Variants in AKR1B15 observed in about 807,000 individuals in gnomAD.
AKR1B15 encodes the protein aldo-keto reductase family 1 member B15.
Under a neutral mutation model 38.5 loss-of-function variants are expected in AKR1B15, and 49 were observed. That is an observed-to-expected ratio of 1.27 (90% CI 1.01 to 1.62). The LOEUF (loss-of-function observed/expected upper bound fraction) is 1.62, where lower values mean the gene tolerates loss of function less well. AKR1B15 is among the 40% of genes most tolerant of loss of function. The pLI, the probability that AKR1B15 is intolerant of heterozygous loss-of-function variation, is 0.00. For synonymous variants in AKR1B15, 137 were observed against 135.5 expected, an observed-to-expected ratio of 1.01 and a Z score of -0.08; for missense variants, 411 against 381.6, an observed-to-expected ratio of 1.08 and a Z score of -0.64.
In AKR1B15 at chr7:134,569,441, T is replaced by C. The variant is rs369019179; in HGVS notation, c.347T>C (p.Leu116Pro). ...TGGCCCACTTTCTTTGAGAGACCCC[T>C]TGTGAGGAAAGCCTTTGAGAAGACC... ...KVWPTFFERPLVRKAFEKTLK... is the reference protein window; with the variant it reads ...KVWPTFFERPPVRKAFEKTLK... Residue 116 changes from leucine to proline, a missense_variant, in exon 5 of 12, where the codon CTT becomes CCT. Leu to Pro is a moderately conservative substitution (Grantham distance 98, BLOSUM62 -3). This residue lies in a region of AKR1B15 where 254 missense variants were observed against 212.4 expected (regional missense o/e 1.20). Coordinates refer to ENST00000457545, the MANE Select transcript of AKR1B15 (RefSeq NM_001080538.3). 5 of 1,613,974 alleles carry C rather than the reference T, an allele frequency of 3.1e-6. No individual in the cohort carries two copies. The African/African-American group carries it at 6.7e-5, about 22-fold the overall frequency.
intron 2 of AKR1B15, among the ~76,000 whole-genome samples, chr7:134,560,557 G>T (rs1216610779): frequency 2.0e-5 from 3 of 152,122 alleles, no homozygotes; most frequent in Non-Finnish European, 4.4e-5. Flanking sequence ...ATCTAAAAAA[G>T]ATATCCCTCC....
intron 2 of AKR1B15, among the ~76,000 whole-genome samples, chr7:134,557,759 G>T (rs773941767): frequency 6.6e-6 from 1 of 151,938 alleles, no homozygotes; most frequent in African/African-American, 2.4e-5. Context: ...TTAGACCAAG[G>T]TGTAAAAAGA....
At chr7:134,567,707 T>C (rs1794571156) in intron 3 of AKR1B15, among the ~76,000 whole-genome samples, 1 of 152,296 alleles carries the variant, frequency 6.6e-6, no homozygotes, top group South Asian at 2.1e-4. Flanking sequence ...CCCTCTGGGT[T>C]ATTTAGAGTC....
At chr7:134,553,795 G>C (rs935232245) in intron 1 of AKR1B15, among the ~76,000 whole-genome samples, 2 of 152,192 alleles carry the variant, frequency 1.3e-5, no homozygotes, top group Admixed American at 6.5e-5. Flanking sequence ...GAAACTGGCT[G>C]ACCTCATCTC....
rs539202631 is a variant in AKR1B15, at chr7:134,551,212, T to C, written c.-147+1963T>C. Among the ~76,000 whole-genome samples, 6 of 152,302 alleles carry C rather than the reference T, an allele frequency of 3.9e-5. No homozygotes were observed. The South Asian group carries it at 1.0e-3, about 26-fold the overall frequency. On this transcript the variant is annotated intron_variant, in intron 1 of 11. Transcript: ENST00000457545. ...TTCCCTTGTCTCCTCAACTACATCC[T>C]CTGTGGCCTCTCTGCCTATATCCTC... is the stretch of plus-strand genomic sequence containing the variant.
At chr7:134,571,301 C>T (rs1234084639) in intron 5 of AKR1B15, among the ~76,000 whole-genome samples, 5 of 152,148 alleles carry the variant, frequency 3.3e-5, no homozygotes, top group African/African-American at 1.2e-4. Flanking sequence ...AAAGTTTGCC[C>T]TTGGGTGTGT....
intron 2 of AKR1B15, among the ~76,000 whole-genome samples, chr7:134,558,599 T>C (rs924714377): frequency 6.6e-6 from 1 of 152,278 alleles, no homozygotes; most frequent in Non-Finnish European, 1.5e-5. Flanking sequence ...ATAAACCACT[T>C]AACTTAGTTT....
intron 6 of AKR1B15, among the ~76,000 whole-genome samples, chr7:134,574,644 A>G (rs1301571394): frequency 6.6e-6 from 1 of 152,232 alleles, no homozygotes; most frequent in East Asian, 1.9e-4. Flanking sequence ...AGAACATGTA[A>G]TAGATGGCTA....
chr7:134,574,398 C>T (rs1354697346), intron 6 of AKR1B15, among the ~76,000 whole-genome samples: 2 of 151,864 alleles, frequency 1.3e-5, no homozygotes, highest in Non-Finnish European at 2.9e-5. Context: ...TTTTTGAGGC[C>T]CAGCTTATAC....
Position 134,564,726 on chromosome 7 carries a change from A to C in AKR1B15, c.107A>C (p.Lys36Thr). The C allele has an allele frequency of 1.4e-6, 1 of 696,652 alleles. No homozygotes were observed. Among genetic ancestry groups the C allele is most frequent in the Non-Finnish European group, 2.6e-6 (1 of 382,842 alleles). 43.2% of individuals were successfully genotyped at this position (696,652 alleles called of 1,614,324 possible). ...PLTGLKSSLL[K>T]DTTSAGPLLR... ...ACTGGCCTAAAGAGTTCCCTTCTGA[A>C]GGACACTACAAGTGCAGGGCCCCTT... The change falls in exon 3 of 12, where the codon AAG (lysine) becomes ACG (threonine). Residue 36 changes from lysine to threonine, a missense_variant. Physicochemically the swap from Lys to Thr is moderately conservative, Grantham distance 78 (BLOSUM62 -1). Transcript: ENST00000457545.
chr7:134,573,407 C>A (rs886629998), intron 6 of AKR1B15: 1 of 985,220 alleles, frequency 1.0e-6, no homozygotes, highest in Non-Finnish European at 1.2e-6. Context: ...GTCAATGTAC[C>A]CTGCTTCTCA....
At position 134,566,933 on chromosome 7, in the gene AKR1B15, G is replaced by A. The variant is rs146405808; in HGVS notation, c.151-1225G>A. ...CAAATAATCACTTCCAGATCTCCAG[G>A]GAATCTGCTCACCCTTCATAAGTTT... On this transcript the variant is annotated intron_variant, in intron 3 of 11. Coordinates refer to ENST00000457545, the MANE Select transcript of AKR1B15 (RefSeq NM_001080538.3). Among the ~76,000 whole-genome samples, 107 of 152,274 alleles carry A rather than the reference G, an allele frequency of 7.0e-4. 2 individuals carry two copies. The East Asian group carries it at 0.017, about 25-fold the overall frequency.
At chr7:134,549,428 G>A (rs971672936) in intron 1 of AKR1B15, among the ~76,000 whole-genome samples, 179 bp downstream of exon 1, 2 of 152,042 alleles carry the variant, frequency 1.3e-5, no homozygotes, top group African/African-American at 4.8e-5. Flanking sequence ...TCAGGTCTCC[G>A]GGAGATCTCT....
At chr7:134,556,314 A>T (rs1185588592) in intron 1 of AKR1B15, among the ~76,000 whole-genome samples, 1 of 152,144 alleles carries the variant, frequency 6.6e-6, no homozygotes, top group Non-Finnish European at 1.5e-5. Context: ...TAATCTCACC[A>T]AGCCTAAACT....
intron 2 of AKR1B15, among the ~76,000 whole-genome samples, chr7:134,562,114 G>A (rs527392095): frequency 7.2e-4 from 110 of 152,276 alleles, no homozygotes; most frequent in African/African-American, 2.4e-3. Flanking sequence ...CTCCCAAGTA[G>A]CTGGGATTAC....
At chr7:134,573,547 G>A in intron 6 of AKR1B15, 1 of 985,210 alleles carries the variant, frequency 1.0e-6, no homozygotes, top group Non-Finnish European at 1.2e-6. Flanking sequence ...CGTAAGCATT[G>A]GATGTTTATG....
At chr7:134,574,939 G>A (rs1378893942) in intron 6 of AKR1B15, among the ~76,000 whole-genome samples, 1 of 152,230 alleles carries the variant, frequency 6.6e-6, no homozygotes, top group African/African-American at 2.4e-5. Context: ...GGACCCACAG[G>A]TGAGGCTTCT....
At chr7:134,558,740 T>C (rs1339268013) in intron 2 of AKR1B15, among the ~76,000 whole-genome samples, 1 of 152,212 alleles carries the variant, frequency 6.6e-6, no homozygotes, top group Non-Finnish European at 1.5e-5. Context: ...ACTCCATTGC[T>C]GACATCCCTA....
chr7:134,573,175 T>G (rs1794699411), intron 6 of AKR1B15, among the ~76,000 whole-genome samples: 1 of 152,160 alleles, frequency 6.6e-6, no homozygotes, highest in South Asian at 2.1e-4. Flanking sequence ...GGACTACATG[T>G]GCATGCCACC....
Sources: allele counts gnomAD v4.1 joint callset (sites outside exome capture counted in the v4.1 genomes callset), GRCh38; gene constraint gnomAD v4.1.1; regional missense constraint gnomAD v4.1.1; transcripts MANE v1.5; gene names NCBI Gene and HGNC (gene_info 2026-07-23, HGNC 2026-07-21).